Variants in TGFBR2 observed in about 807,000 individuals in gnomAD.
TGFBR2 encodes TGF-beta receptor type-2.
TGFBR2 carries 18 observed loss-of-function variants against 49.0 expected under a neutral mutation model. The ratio of observed to expected loss-of-function variants is 0.37; its 90% CI spans 0.25 to 0.54. TGFBR2 has a LOEUF of 0.54. TGFBR2 is among the 20% of genes least tolerant of loss of function. The pLI, the probability that TGFBR2 is intolerant of heterozygous loss-of-function variation, is 0.85. For synonymous variants in TGFBR2, 282 were observed against 275.9 expected (o/e 1.02, Z -0.22); for missense variants, 525 against 722.6 (o/e 0.73, Z 3.13).
intron 1 of TGFBR2, among the ~76,000 whole-genome samples, chr3:30,632,503 G>A (rs1698456768): frequency 6.6e-6 from 1 of 152,176 alleles, no homozygotes; most frequent in Non-Finnish European, 1.5e-5. Context: ...GGGCACAGTG[G>A]TAACAAAAAA....
At chr3:30,644,628 T>C (rs1440255066) in intron 1 of TGFBR2, 119 bp from the exon 2 acceptor site, 1 of 963,320 alleles carries the variant, frequency 1.0e-6, no homozygotes, top group Non-Finnish European at 1.6e-6. Context: ...ATTTTGCCTT[T>C]CTTCAGATTC....
At chr3:30,684,115 T>C (rs1384637175) in intron 5 of TGFBR2, among the ~76,000 whole-genome samples, 1 of 152,212 alleles carries the variant, frequency 6.6e-6, no homozygotes, top group Non-Finnish European at 1.5e-5. Context: ...ATGGAGGCCC[T>C]GAGAATGGCA....
At chr3:30,644,179 T>G (rs2125404163) in intron 1 of TGFBR2, among the ~76,000 whole-genome samples, 1 of 152,146 alleles carries the variant, frequency 6.6e-6, no homozygotes, top group South Asian at 2.1e-4. Context: ...CTTTCAGGAG[T>G]AGGTCAGGAA....
intron 1 of TGFBR2, among the ~76,000 whole-genome samples, chr3:30,607,802 AT>A (rs1239535282): frequency 2.2e-5 from 3 of 138,052 alleles, no homozygotes; most frequent in East Asian, 2.0e-4. Flanking sequence ...ATAAAAAAAT[AT>A]ATATATATAT....
chr3:30,687,104 G>C (rs1403375076), intron 5 of TGFBR2, among the ~76,000 whole-genome samples: 1 of 152,160 alleles, frequency 6.6e-6, no homozygotes, highest in African/African-American at 2.4e-5. Flanking sequence ...TGCACGAATA[G>C]AGCCCTGCCC....
At chr3:30,684,737 T>G (rs986177726) in intron 5 of TGFBR2, among the ~76,000 whole-genome samples, 1 of 152,218 alleles carries the variant, frequency 6.6e-6, no homozygotes, top group African/African-American at 2.4e-5. Flanking sequence ...CTCACAACTT[T>G]CCAAGATTTT....
chr3:30,690,433 G>A (rs1575166107), intron 6 of TGFBR2, among the ~76,000 whole-genome samples: 1 of 152,166 alleles, frequency 6.6e-6, no homozygotes, highest in African/African-American at 2.4e-5. Flanking sequence ...ATAGAGTTAA[G>A]CATGCCTGAC....
rs5847645 is a variant in TGFBR2, at chr3:30,610,325, A to ATT, written c.94+3356_94+3357dup. 5.0e-3 allele frequency among the ~76,000 whole-genome samples: 759 copies of ATT among 151,256 alleles called. 9 individuals carry two copies. The highest frequency in any genetic ancestry group is 4.9e-3 in the Non-Finnish European group (330 of 67,730). ...TCTACACCTCATTTTCAAAAGCCTC[A>ATT]TTTTTTTTTGTTGTTGTATGCACTA... On this transcript the variant is annotated intron_variant, in intron 1 of 6. Transcript: ENST00000295754.
At chr3:30,610,126 G>T (rs1382304123) in intron 1 of TGFBR2, among the ~76,000 whole-genome samples, 1 of 151,978 alleles carries the variant, frequency 6.6e-6, no homozygotes, top group African/African-American at 2.4e-5. Flanking sequence ...CATATTTATT[G>T]AGTATCTCTT....
chr3:30,607,803 TATATATATATTATATATATATAA>T (rs1206133295), intron 1 of TGFBR2, among the ~76,000 whole-genome samples: 1 of 138,404 alleles, frequency 7.2e-6, no homozygotes, highest in Non-Finnish European at 1.5e-5. Flanking sequence ...TAAAAAAATA[TATATATATATTATATATATATAA>T]ATATATATAT....
At chr3:30,632,257 G>A (rs374954436) in intron 1 of TGFBR2, among the ~76,000 whole-genome samples, 5 of 152,106 alleles carry the variant, frequency 3.3e-5, no homozygotes, top group African/African-American at 9.7e-5. Flanking sequence ...AGCATGTTGC[G>A]AAATAACACA....
intron 1 of TGFBR2, among the ~76,000 whole-genome samples, chr3:30,624,890 T>C (rs1351261362): frequency 6.6e-6 from 1 of 152,188 alleles, no homozygotes; most frequent in Non-Finnish European, 1.5e-5. Flanking sequence ...ACTGTGTGGA[T>C]CATTGTGATG....
chr3:30,674,701 CA>C (rs368309025), intron 5 of TGFBR2, among the ~76,000 whole-genome samples: 25 of 146,644 alleles, frequency 1.7e-4, no homozygotes, highest in Non-Finnish European at 1.2e-4. Flanking sequence ...TTTTATTGGG[CA>C]AAAAAAAAAT....
intron 1 of TGFBR2, among the ~76,000 whole-genome samples, chr3:30,614,652 G>T (rs1345227694): frequency 6.6e-6 from 1 of 152,130 alleles, no homozygotes; most frequent in Non-Finnish European, 1.5e-5. Context: ...TCTTGCTACT[G>T]CACGGATCAT....
At chr3:30,661,829 T>C (rs1699138796) in intron 3 of TGFBR2, among the ~76,000 whole-genome samples, 1 of 152,218 alleles carries the variant, frequency 6.6e-6, no homozygotes, top group Admixed American at 6.5e-5. Flanking sequence ...TGATGAAGAA[T>C]CTTAAATAGC....
intron 5 of TGFBR2, among the ~76,000 whole-genome samples, chr3:30,682,873 G>A (rs751731804): frequency 2.0e-5 from 3 of 152,172 alleles, no homozygotes; most frequent in Non-Finnish European, 2.9e-5. Context: ...AAGGCAGGGA[G>A]GGACACACTT....
intron 1 of TGFBR2, among the ~76,000 whole-genome samples, chr3:30,620,850 T>C (rs1698218196): frequency 6.6e-6 from 1 of 152,192 alleles, no homozygotes; most frequent in South Asian, 2.1e-4. Context: ...AAGATACTCT[T>C]CTACCTACCT....
chr3:30,665,223 G>A (rs1382307815), intron 3 of TGFBR2, among the ~76,000 whole-genome samples: 1 of 152,140 alleles, frequency 6.6e-6, no homozygotes, highest in Non-Finnish European at 1.5e-5. Flanking sequence ...CTGAGGGGAA[G>A]GAAGAACTTC....
intron 3 of TGFBR2, among the ~76,000 whole-genome samples, chr3:30,663,842 G>C (rs1025101568): frequency 1.3e-5 from 2 of 151,970 alleles, no homozygotes; most frequent in Middle Eastern, 3.2e-3. Context: ...GTTTTATTTT[G>C]GAATGAATTC....
Sources: gnomAD v4.1 joint callset for allele counts (sites outside exome capture counted in the v4.1 genomes callset) on GRCh38, gnomAD v4.1.1 for gene constraint, MANE v1.5 for transcripts, NCBI Gene and HGNC (gene_info 2026-07-23, HGNC 2026-07-21) for gene names.